TTC6: variants seen among roughly 807,000 people sequenced by gnomAD.
TTC6 encodes tetratricopeptide repeat domain 6.
In TTC6, 172 loss-of-function variants were observed where a neutral mutation model predicts 210.4. That is an observed-to-expected ratio of 0.82 (90% confidence interval 0.72 to 0.93). The LOEUF (loss-of-function observed/expected upper bound fraction) is 0.93. Ranked by LOEUF, TTC6 falls within the 40% of genes least tolerant of loss-of-function variation. The pLI is 0.00. For synonymous variants in TTC6, 804 were observed against 819.6 expected, an observed-to-expected ratio of 0.98 and a Z score of 0.32; for missense variants, 2,414 against 2,318.1, an observed-to-expected ratio of 1.04 and a Z score of -0.85.
In TTC6 at chr14:37,598,430, G is replaced by A. The variant is rs1301414231; in HGVS notation, c.-235+2422G>A. Among the ~76,000 whole-genome samples the A allele has an allele frequency of 6.6e-6, 1 of 152,218 alleles. No individual in the cohort carries two copies. The highest frequency in any genetic ancestry group is 1.5e-5 in the Non-Finnish European group (1 of 68,032). ...GCGCGGGTACTCCGGGTAGCCGCCA[G>A]CGGAGGAAGCGGCTCCGCCCTTCCC... On this transcript the variant is annotated intron_variant, in intron 1 of 2. Transcript: ENST00000556845. The surrounding 1 kb of genome is among the most constrained non-coding windows in gnomAD (Gnocchi z 4.9).
At chr14:37,729,703 C>T (rs2095881019) in intron 7 of TTC6, among the ~76,000 whole-genome samples, 1 of 152,156 alleles carries the variant, frequency 6.6e-6, no homozygotes, top group African/African-American at 2.4e-5. Flanking sequence ...GAAGGTTCCC[C>T]CTGCCTACTC....
chr14:37,787,773 ATATT>A (rs2096071145), intron 15 of TTC6, 136 bp downstream of exon 17: 2 of 592,408 alleles, frequency 3.4e-6, no homozygotes, highest in Non-Finnish European at 5.2e-6. Context: ...TTATAAGTAT[ATATT>A]ACATGAGCTT....
intron 9 of TTC6, among the ~76,000 whole-genome samples, chr14:37,737,994 A>G (rs2095906569): frequency 6.6e-6 from 1 of 151,916 alleles, no homozygotes; most frequent in African/African-American, 2.4e-5. Context: ...TTGGGCCAAA[A>G]TTGACTATAA....
intron 10 of TTC6, among the ~76,000 whole-genome samples, chr14:37,741,815 C>T (rs17179428): frequency 0.23 from 34,486 of 152,046 alleles, 4,856 homozygotes; most frequent in Non-Finnish European, 0.3. Context: ...TCCTTTTATC[C>T]CCTTAGCCCT....
At chr14:37,759,674 A>C (rs2095978288) in intron 14 of TTC6, among the ~76,000 whole-genome samples, 1 of 151,952 alleles carries the variant, frequency 6.6e-6, no homozygotes, top group South Asian at 2.1e-4. Flanking sequence ...ATAGTCCCAT[A>C]TTTCTTGGGG....
At chr14:37,608,969 G>A (rs954246545) in intron 2 of TTC6, among the ~76,000 whole-genome samples, 14 of 152,150 alleles carry the variant, frequency 9.2e-5, no homozygotes, top group South Asian at 2.1e-4. Flanking sequence ...TATGCTGCTC[G>A]TTTGAGTCTA....
chr14:37,812,591 T>C (rs2096132111), intron 25 of TTC6, among the ~76,000 whole-genome samples, 158 bp downstream of exon 27: 1 of 132,568 alleles, frequency 7.5e-6, no homozygotes, highest in South Asian at 2.7e-4. Flanking sequence ...ATAGGCTCTT[T>C]GAAAAAATGT....
chr14:37,749,238 C>T (rs1188947493), exon 11 of TTC6: 5 of 1,528,870 alleles, frequency 3.3e-6, no homozygotes, highest in Non-Finnish European at 4.4e-6. Context: ...TATGTGGAGT[C>T]TGATCTTCCA....
intron 2 of TTC6, among the ~76,000 whole-genome samples, chr14:37,610,196 G>A (rs1302804893): frequency 6.6e-6 from 1 of 152,206 alleles, no homozygotes; most frequent in Non-Finnish European, 1.5e-5. Context: ...GGATGCCTGA[G>A]TGCATCAGTC....
intron 6 of TTC6, among the ~76,000 whole-genome samples, chr14:37,721,644 AAAC>A (rs1475995407): frequency 6.6e-6 from 1 of 151,952 alleles, no homozygotes; most frequent in African/African-American, 2.4e-5. Flanking sequence ...TTCACAACTC[AAAC>A]AATAGCACAC....
chr14:37,676,763 A>G (rs1054354070), intron 1 of TTC6, among the ~76,000 whole-genome samples: 1 of 152,048 alleles, frequency 6.6e-6, no homozygotes, highest in Non-Finnish European at 1.5e-5. Context: ...TAGGGATCCA[A>G]CTTTATTTTT....
At chr14:37,731,479 A>G (rs1313731629) in intron 7 of TTC6, among the ~76,000 whole-genome samples, 1 of 152,214 alleles carries the variant, frequency 6.6e-6, no homozygotes, top group Non-Finnish European at 1.5e-5. Flanking sequence ...CAGTTGAAAC[A>G]AGAAGGCAGA....
intron 20 of TTC6, among the ~76,000 whole-genome samples, chr14:37,803,330 T>A (rs554410056): frequency 6.6e-6 from 1 of 152,184 alleles, no homozygotes; most frequent in East Asian, 1.9e-4. Flanking sequence ...GAGCATATAG[T>A]TAAAAAAATT....
At chr14:37,764,090 A>C (rs974791125) in intron 14 of TTC6, among the ~76,000 whole-genome samples, 1 of 151,782 alleles carries the variant, frequency 6.6e-6, no homozygotes, top group African/African-American at 2.4e-5. Flanking sequence ...AATTTCCCAA[A>C]TTTTCTTCTG....
At chr14:37,622,397 G>C (rs1394258817) in exon 1 of TTC6, 1 of 1,534,026 alleles carries the variant, frequency 6.5e-7, no homozygotes, top group Non-Finnish European at 8.7e-7. Context: ...CTCCAGGCAA[G>C]ACCCGGTCGT....
intron 14 of TTC6, among the ~76,000 whole-genome samples, chr14:37,778,947 G>A (rs2096046547): frequency 6.6e-6 from 1 of 152,120 alleles, no homozygotes; most frequent in Non-Finnish European, 1.5e-5. Context: ...TGGGGTATGG[G>A]TATCCCTGAC....
At chr14:37,720,521 C>A (rs1390996129) in intron 6 of TTC6, 2 of 150,102 alleles carry the variant, frequency 1.3e-5, no homozygotes, top group Non-Finnish European at 3.0e-5. Context: ...GCTCAGCCTC[C>A]TTACCCATGA....
chr14:37,611,748 C>G (rs1447378835), intron 2 of TTC6, among the ~76,000 whole-genome samples: 1 of 152,104 alleles, frequency 6.6e-6, no homozygotes, highest in Non-Finnish European at 1.5e-5. Context: ...ATCTACCTGA[C>G]CTCTGCTGTC....
At chr14:37,657,485 C>T (rs576708563) in intron 1 of TTC6, among the ~76,000 whole-genome samples, 8 of 151,998 alleles carry the variant, frequency 5.3e-5, no homozygotes, top group African/African-American at 1.4e-4. Context: ...TAAACGAGGA[C>T]GCCGAGCCAA....
Sources: gnomAD v4.1 joint callset for allele counts (sites outside exome capture counted in the v4.1 genomes callset) on GRCh38, gnomAD v4.1.1 for gene constraint, Gnocchi (gnomAD v3.1) non-coding constraint, MANE v1.5 for transcripts, NCBI Gene and HGNC (gene_info 2026-07-23, HGNC 2026-07-21) for gene names.